ZNF704: variants seen among roughly 807,000 people sequenced by gnomAD.
ZNF704 encodes the protein zinc finger protein 704, also known as glucocorticoid induced gene 1.
Under a neutral mutation model 44.7 loss-of-function variants are expected in ZNF704, and 10 were observed. The ratio of observed to expected loss-of-function variants is 0.22; its 90% CI spans 0.14 to 0.38. ZNF704 has a LOEUF of 0.38. Ranked by LOEUF, ZNF704 falls within the 10% of genes least tolerant of loss-of-function variation. The probability of loss-of-function intolerance (pLI) is 1.00; values close to 1 mark genes in which losing one functional copy is unlikely to be tolerated. For missense variants in ZNF704, 390 were observed against 545.5 expected (o/e 0.71, Z 2.84); for synonymous variants, 211 against 207.6 (o/e 1.02, Z -0.14).
chr8:80,724,762 T>C (rs1025671828), intron 2 of ZNF704, among the ~76,000 whole-genome samples: 2 of 152,196 alleles, frequency 1.3e-5, no homozygotes, highest in Non-Finnish European at 2.9e-5. Context: ...CACTGCCTAA[T>C]TCAGGCACTC....
rs752482211 is a variant in ZNF704, at chr8:80,631,805, G to A, written c.*9561C>T. On this transcript the variant is annotated 3_prime_UTR_variant, in exon 9 of 9. Transcript: ENST00000327835. ...TTCAGACAGATGGAATATTTCCCCC[G>A]AAGGGAGGGAATAGCCACACTGACT... The A allele has an allele frequency of 1.3e-5, 2 of 152,198 alleles. No homozygotes were observed. The highest frequency in any genetic ancestry group is 3.8e-4 in the East Asian group (2 of 5,196). The allele number at this position is 152,198 out of a possible 1,614,324, so 9.4% of individuals were successfully genotyped here.
chr8:80,691,017 A>G (rs907030083), intron 3 of ZNF704, among the ~76,000 whole-genome samples: 2 of 152,064 alleles, frequency 1.3e-5, no homozygotes, highest in Non-Finnish European at 2.9e-5. Context: ...TCAAATTAAA[A>G]AAAAAAAAAA....
intron 2 of ZNF704, among the ~76,000 whole-genome samples, chr8:80,784,864 T>A (rs1807589628): frequency 6.6e-6 from 1 of 152,234 alleles, no homozygotes; most frequent in African/African-American, 2.4e-5. Flanking sequence ...AAACATTTTT[T>A]AAAATTTATT....
chr8:80,812,777 T>C (rs578085993), intron 2 of ZNF704, among the ~76,000 whole-genome samples: 221 of 152,330 alleles, frequency 1.5e-3, no homozygotes, highest in African/African-American at 5.1e-3. Flanking sequence ...ACTATAGATA[T>C]AGTTCACATT....
the ZNF704 span, among the ~76,000 whole-genome samples, chr8:80,880,397 A>G: frequency 1.3e-5 from 2 of 152,244 alleles, no homozygotes; most frequent in Non-Finnish European, 2.9e-5. Flanking sequence ...CATATGTTAT[A>G]AATATAATCA....
intron 2 of ZNF704, among the ~76,000 whole-genome samples, chr8:80,705,376 T>A (rs972637477): frequency 2.2e-4 from 33 of 151,462 alleles, no homozygotes; most frequent in Admixed American, 2.0e-3. Flanking sequence ...CGGGGCCTTG[T>A]GTGTGTGTGT....
chr8:80,752,343 A>G (rs1806958563), intron 2 of ZNF704, among the ~76,000 whole-genome samples: 2 of 152,218 alleles, frequency 1.3e-5, no homozygotes, highest in South Asian at 2.1e-4. Context: ...AGTGAGATAA[A>G]GTAAACCTTT....
At chr8:80,700,626 T>C (rs1240474060) in intron 2 of ZNF704, among the ~76,000 whole-genome samples, 2 of 152,192 alleles carry the variant, frequency 1.3e-5, no homozygotes, top group Admixed American at 6.5e-5. Context: ...ATCTTGGATT[T>C]GTGTGAATAT....
At chr8:80,735,920 C>T (rs1806657727) in intron 2 of ZNF704, among the ~76,000 whole-genome samples, 1 of 152,044 alleles carries the variant, frequency 6.6e-6, no homozygotes, top group African/African-American at 2.4e-5. Flanking sequence ...GTATGCTTTA[C>T]AAAGAGAAAG....
chr8:80,685,955 G>T (rs1346631933), intron 4 of ZNF704, among the ~76,000 whole-genome samples: 1 of 152,158 alleles, frequency 6.6e-6, no homozygotes, highest in Non-Finnish European at 1.5e-5. Flanking sequence ...TCATAATGAA[G>T]CTACCAATAC....
intron 3 of ZNF704, among the ~76,000 whole-genome samples, chr8:80,692,672 G>A (rs1818659320): frequency 6.6e-6 from 1 of 152,172 alleles, no homozygotes; most frequent in Admixed American, 6.5e-5. Flanking sequence ...AATAATGCTA[G>A]GGAAAATAAT....
rs557294217 is a variant in ZNF704 at position 80,822,617 on chromosome 8, G to A, written c.-21-1002C>T. On this transcript the variant is annotated intron_variant, in intron 1 of 8. Transcript: ENST00000327835. ...TCTAGTTCTAGATCCCTGAGGAATC[G>A]CCACACTGACTTCCACAATGGTTGA... 2.5e-3 allele frequency among the ~76,000 whole-genome samples: 380 copies of A among 152,148 alleles called. 2 individuals carry two copies. The highest frequency in any genetic ancestry group is 8.4e-3 in the African/African-American group (348 of 41,486).
intron 2 of ZNF704, among the ~76,000 whole-genome samples, chr8:80,787,240 C>T (rs182069188): frequency 1.3e-5 from 2 of 152,306 alleles, no homozygotes; most frequent in Admixed American, 1.3e-4. Flanking sequence ...AGAAATGCTG[C>T]CAGATTTTTT....
intron 2 of ZNF704, among the ~76,000 whole-genome samples, chr8:80,774,734 C>G (rs1414801555): frequency 2.6e-5 from 4 of 152,144 alleles, no homozygotes; most frequent in Non-Finnish European, 5.9e-5. Flanking sequence ...AGGGTGGGTC[C>G]ACATTTCCTT....
Position 80,629,646 on chromosome 8 carries a change from T to C in ZNF704, c.*11720A>G, listed in dbSNP as rs1445521767. The C allele has an allele frequency of 3.9e-5, 6 of 152,054 alleles. No individual in the cohort carries two copies. Among genetic ancestry groups the C allele is most frequent in the African/African-American group, 1.2e-4 (5 of 41,298 alleles). 9.4% of individuals were successfully genotyped at this position (152,054 alleles called of 1,614,324 possible). A position where few individuals can be genotyped will look rare whatever the true frequency, so the allele number is the denominator to read the frequency against. ...GGGCTGAAGAAATTTGTGGATATTC[T>C]ATATAGACTTTCCAAAATATAAGTA... is the stretch of plus-strand genomic sequence containing the variant. On this transcript the variant is annotated 3_prime_UTR_variant, in exon 9 of 9. Coordinates refer to ENST00000327835, the MANE Select transcript of ZNF704 (RefSeq NM_001033723.3).
At chr8:80,800,368 T>C (rs969715129) in intron 2 of ZNF704, among the ~76,000 whole-genome samples, 2 of 151,956 alleles carry the variant, frequency 1.3e-5, no homozygotes, top group African/African-American at 4.8e-5. Context: ...CACAAAATCA[T>C]CAGATTTTCA....
At chr8:80,707,173 TG>T (rs1234527296) in intron 2 of ZNF704, among the ~76,000 whole-genome samples, 1 of 152,238 alleles carries the variant, frequency 6.6e-6, no homozygotes, top group African/African-American at 2.4e-5. Flanking sequence ...AGAGGCGCAA[TG>T]GGGTCTTTAT....
Position 80,823,166 on chromosome 8 carries a change from C to T in ZNF704, c.-21-1551G>A, listed in dbSNP as rs113124067. Among the ~76,000 whole-genome samples, 566 of 152,286 alleles carry T rather than the reference C, an allele frequency of 3.7e-3. 5 individuals carry two copies. The highest frequency in any genetic ancestry group is 0.013 in the African/African-American group (549 of 41,542). ...TGCAAAGGGTCAGGGAATTCCCTTT[C>T]CTAGCCAAGGGAAGCCGTGACAGAT... On this transcript the variant is annotated intron_variant, in intron 1 of 8. Coordinates refer to ENST00000327835, the MANE Select transcript of ZNF704 (RefSeq NM_001033723.3).
chr8:80,836,498 C>T (rs899968431), intron 1 of ZNF704, among the ~76,000 whole-genome samples: 1 of 152,186 alleles, frequency 6.6e-6, no homozygotes, highest in Non-Finnish European at 1.5e-5. Flanking sequence ...ATCATTCTAG[C>T]CAGGTGTGGT....
Sources: gnomAD v4.1 joint callset for allele counts (sites outside exome capture counted in the v4.1 genomes callset) on GRCh38, gnomAD v4.1.1 for gene constraint, MANE v1.5 for transcripts, NCBI Gene and HGNC (gene_info 2026-07-23, HGNC 2026-07-21) for gene names.